Variants in ERBIN observed in about 807,000 individuals in gnomAD.
The protein encoded by ERBIN is densin-180-like protein.
In ERBIN, 60 loss-of-function variants were observed where a neutral mutation model predicts 158.4. The ratio of observed to expected loss-of-function variants is 0.38; its 90% confidence interval spans 0.31 to 0.47. The LOEUF is 0.47. Ranked by LOEUF, ERBIN falls within the 20% of genes least tolerant of loss-of-function variation. ERBIN has a pLI of 0.99. For missense variants in ERBIN, 1,610 were observed against 1,648.0 expected, an observed-to-expected ratio of 0.98 and a Z score of 0.40; for synonymous variants, 594 against 557.2, an observed-to-expected ratio of 1.07 and a Z score of -0.93.
chr5:65,939,009 T>G (rs1443085335), intron 1 of ERBIN, among the ~76,000 whole-genome samples: 1 of 152,242 alleles, frequency 6.6e-6, no homozygotes, highest in Non-Finnish European at 1.5e-5. Flanking sequence ...AACATTTTCT[T>G]TGAACTGCTT....
chr5:66,050,073 A>C (rs1451188112), intron 19 of ERBIN, among the ~76,000 whole-genome samples: 1 of 152,094 alleles, frequency 6.6e-6, no homozygotes, highest in East Asian at 1.9e-4. Flanking sequence ...GTATGAAATA[A>C]TTTCTTGCCC....
At chr5:65,931,692 G>C (rs137901000) in intron 1 of ERBIN, among the ~76,000 whole-genome samples, 1 of 152,032 alleles carries the variant, frequency 6.6e-6, no homozygotes, top group East Asian at 1.9e-4. Context: ...AAAACAGCTC[G>C]ATTCTCATAT....
At chr5:66,025,100 T>C (rs1756094901) in intron 10 of ERBIN, among the ~76,000 whole-genome samples, 1 of 152,242 alleles carries the variant, frequency 6.6e-6, no homozygotes, top group South Asian at 2.1e-4. Flanking sequence ...ATACCTGTTA[T>C]GAACTACCTT....
chr5:65,954,630 ACTTAT>A (rs1404890211), intron 1 of ERBIN, among the ~76,000 whole-genome samples: 1 of 152,178 alleles, frequency 6.6e-6, no homozygotes, highest in Non-Finnish European at 1.5e-5. Flanking sequence ...AATATATAGC[ACTTAT>A]CTTGATAAAT....
chr5:66,008,257 C>T (rs1018085308), intron 4 of ERBIN, among the ~76,000 whole-genome samples: 3 of 151,914 alleles, frequency 2.0e-5, no homozygotes, highest in Non-Finnish European at 2.9e-5. Context: ...TATAAAACCC[C>T]TAATATAAAA....
chr5:65,976,204 T>A (rs911238759), intron 1 of ERBIN, among the ~76,000 whole-genome samples: 1 of 152,212 alleles, frequency 6.6e-6, no homozygotes, highest in Non-Finnish European at 1.5e-5. Flanking sequence ...CTGGGCACAG[T>A]GGCTTACACC....
chr5:65,953,903 C>G (rs1746792847), intron 1 of ERBIN, among the ~76,000 whole-genome samples: 1 of 152,146 alleles, frequency 6.6e-6, no homozygotes, highest in South Asian at 2.1e-4. Context: ...TGTGCCTATG[C>G]ATGAAATTAG....
chr5:65,982,870 ATGTAC>A (rs1750804821), intron 1 of ERBIN, among the ~76,000 whole-genome samples: 1 of 152,166 alleles, frequency 6.6e-6, no homozygotes, highest in African/African-American at 2.4e-5. Context: ...TTGTACACAA[ATGTAC>A]TTTTATTCAG....
intron 1 of ERBIN, among the ~76,000 whole-genome samples, chr5:65,976,965 C>T (rs1360156682): frequency 6.6e-6 from 1 of 152,186 alleles, no homozygotes; most frequent in Non-Finnish European, 1.5e-5. Flanking sequence ...TTTTCCCCAC[C>T]TTTCCCCTCT....
intron 16 of ERBIN, 92 bp from the exon 17 acceptor site, chr5:66,044,045 A>G (rs2151204771): frequency 1.2e-6 from 1 of 863,318 alleles, no homozygotes; most frequent in African/African-American, 1.8e-5. Context: ...CTTGATATCT[A>G]ATGTAATTCA....
chr5:66,015,165 T>C (rs151275154), intron 7 of ERBIN, among the ~76,000 whole-genome samples: 22 of 152,172 alleles, frequency 1.4e-4, no homozygotes, highest in African/African-American at 5.1e-4. Flanking sequence ...CGATGATTGG[T>C]TCCCTAATGA....
rs1554070240 is a variant in ERBIN, at chr5:66,076,490, T to TA, written c.4056+83dup. 6.6e-6 allele frequency: 7 copies of TA among 1,062,368 alleles called. No individual in the cohort carries two copies. The East Asian group carries it at 1.7e-4, about 26-fold the overall frequency. The allele number at this position is 1,062,368 out of a possible 1,614,324, so 65.8% of individuals were successfully genotyped here. A position where few individuals can be genotyped will look rare whatever the true frequency, so the allele number is the denominator to read the frequency against. On this transcript the variant is annotated intron_variant, in intron 24 of 25. Transcript: ENST00000284037. ...TACTTAAATGTAAGTGAAAATCTAA[T>TA]AGATGTTTATGTAAATCTAGGTAGA... is the stretch of plus-strand genomic sequence containing the variant.
At chr5:66,048,285 C>T (rs1758652068) in intron 18 of ERBIN, among the ~76,000 whole-genome samples, 3 of 151,890 alleles carry the variant, frequency 2.0e-5, no homozygotes, top group Admixed American at 1.3e-4. Flanking sequence ...GAAGTTTGAA[C>T]TTAATGTTCT....
At chr5:66,011,779 C>T (rs1377208228) in intron 4 of ERBIN, among the ~76,000 whole-genome samples, 3 of 152,068 alleles carry the variant, frequency 2.0e-5, no homozygotes, top group Non-Finnish European at 4.4e-5. Context: ...AGGTCCTTAA[C>T]ATCACATGTA....
At chr5:65,957,634 A>T (rs990886562) in intron 1 of ERBIN, among the ~76,000 whole-genome samples, 1 of 152,236 alleles carries the variant, frequency 6.6e-6, no homozygotes, top group African/African-American at 2.4e-5. Flanking sequence ...AGACACAGCA[A>T]CAATCTGATT....
chr5:66,039,062 A>C (rs1757687841), intron 15 of ERBIN, among the ~76,000 whole-genome samples: 4 of 150,784 alleles, frequency 2.7e-5, no homozygotes. Flanking sequence ...TGTTACACTT[A>C]AAGTAACTAT....
chr5:65,977,497 G>A (rs1227258369), intron 1 of ERBIN, among the ~76,000 whole-genome samples: 1 of 151,474 alleles, frequency 6.6e-6, no homozygotes, highest in Admixed American at 6.6e-5. Flanking sequence ...GCCGGGCAGA[G>A]ACGCTCCTCA....
chr5:65,939,431 C>T (rs1347270907), intron 1 of ERBIN, among the ~76,000 whole-genome samples: 1 of 152,102 alleles, frequency 6.6e-6, no homozygotes, highest in Non-Finnish European at 1.5e-5. Flanking sequence ...GATGAGACTC[C>T]ATCTCCAAAA....
At chr5:66,078,271 T>C (rs1168445712) in intron 25 of ERBIN, 152 bp from the exon 26 acceptor site, 2 of 604,758 alleles carry the variant, frequency 3.3e-6, no homozygotes, top group Non-Finnish European at 2.9e-6. Flanking sequence ...TCAGAGACTT[T>C]ATTCCTTGGT....
Sources: gnomAD v4.1 joint callset for allele counts (sites outside exome capture counted in the v4.1 genomes callset) on GRCh38, gnomAD v4.1.1 for gene constraint, MANE v1.5 for transcripts, NCBI Gene and HGNC (gene_info 2026-07-23, HGNC 2026-07-21) for gene names.